LDB2: variants seen among roughly 807,000 people sequenced by gnomAD.
LDB2 encodes LIM domain binding 2, also known as LIM domain-binding protein 2.
Under a neutral mutation model 44.3 loss-of-function variants are expected in LDB2, and 12 were observed. The observed-to-expected ratio is 0.27, with a 90% CI of 0.17 to 0.44. LDB2 has a LOEUF of 0.44. Among genes scored for constraint, LDB2 ranks in the 20% least tolerant of loss-of-function variants. LDB2 has a pLI of 1.00. For missense variants in LDB2, 344 were observed against 473.5 expected, an observed-to-expected ratio of 0.73 and a Z score of 2.54; for synonymous variants, 164 against 174.8, an observed-to-expected ratio of 0.94 and a Z score of 0.49.
At chr4:16,776,891 A>T (rs2109405369) in intron 1 of LDB2, among the ~76,000 whole-genome samples, 1 of 152,340 alleles carries the variant, frequency 6.6e-6, no homozygotes, top group Middle Eastern at 3.4e-3. Context: ...ATTTAGAGCT[A>T]TCCAGGTCTT....
chr4:16,760,035 C>T (rs1239729643), intron 1 of LDB2, among the ~76,000 whole-genome samples: 4 of 152,136 alleles, frequency 2.6e-5, no homozygotes, highest in Non-Finnish European at 4.4e-5. Context: ...GAGAAGAAGG[C>T]CCCTCTCACA....
At chr4:16,584,625 A>C (rs921117434) in intron 5 of LDB2, among the ~76,000 whole-genome samples, 7 of 152,188 alleles carry the variant, frequency 4.6e-5, no homozygotes, top group African/African-American at 1.7e-4. Context: ...TAACCTCGAA[A>C]CACTACTCCC....
intron 6 of LDB2, among the ~76,000 whole-genome samples, chr4:16,509,457 G>A (rs1298299543): frequency 2.0e-5 from 3 of 152,174 alleles, no homozygotes; most frequent in Admixed American, 2.0e-4. Flanking sequence ...CTTGAAGGAT[G>A]GGGCAACCCT....
chr4:16,877,400 C>T (rs938430712), intron 1 of LDB2, among the ~76,000 whole-genome samples: 1 of 152,118 alleles, frequency 6.6e-6, no homozygotes, highest in African/African-American at 2.4e-5. Flanking sequence ...TGATTATTGC[C>T]ATTTAACAGA....
intron 5 of LDB2, among the ~76,000 whole-genome samples, chr4:16,553,825 C>A (rs1490938033): frequency 6.6e-6 from 1 of 152,102 alleles, no homozygotes; most frequent in Non-Finnish European, 1.5e-5. Context: ...ACTAGTATCC[C>A]CATTTTATAC....
intron 2 of LDB2, among the ~76,000 whole-genome samples, chr4:16,610,515 C>G (rs1313960982): frequency 1.3e-5 from 2 of 152,098 alleles, no homozygotes; most frequent in Non-Finnish European, 2.9e-5. Flanking sequence ...TAGAGAGGAA[C>G]ATAAATGACC....
intron 2 of LDB2, among the ~76,000 whole-genome samples, chr4:16,754,679 A>G (rs1416118854): frequency 6.6e-6 from 1 of 151,988 alleles, no homozygotes; most frequent in African/African-American, 2.4e-5. Context: ...CTACAGACGC[A>G]TGCCACCACG....
intron 2 of LDB2, among the ~76,000 whole-genome samples, chr4:16,704,634 T>C (rs1436358324): frequency 6.6e-6 from 1 of 152,224 alleles, no homozygotes; most frequent in African/African-American, 2.4e-5. Context: ...TTACAAATGA[T>C]AGACTGGGCT....
chr4:16,875,537 G>A (rs939698406), intron 1 of LDB2, among the ~76,000 whole-genome samples: 1 of 152,148 alleles, frequency 6.6e-6, no homozygotes, highest in Non-Finnish European at 1.5e-5. Context: ...GCATTTTAGA[G>A]TGAATCATCT....
At chr4:16,723,239 TAATA>T (rs533501951) in intron 2 of LDB2, among the ~76,000 whole-genome samples, 59 of 152,324 alleles carry the variant, frequency 3.9e-4, no homozygotes, top group African/African-American at 1.3e-3. Flanking sequence ...ACTGGGTAAT[TAATA>T]AAGAAAAGAC....
intron 2 of LDB2, among the ~76,000 whole-genome samples, chr4:16,643,738 C>T (rs1735859016): frequency 6.7e-6 from 1 of 150,236 alleles, no homozygotes; most frequent in Non-Finnish European, 1.5e-5. Flanking sequence ...GTCTTTGGTA[C>T]AGCGTAATTA....
intron 2 of LDB2, among the ~76,000 whole-genome samples, chr4:16,750,456 T>A (rs1274743642): frequency 6.6e-6 from 1 of 152,222 alleles, no homozygotes; most frequent in East Asian, 1.9e-4. Context: ...TTGACCTGCA[T>A]CCTCACTCCC....
chr4:16,746,606 G>A (rs1467032598), intron 2 of LDB2, among the ~76,000 whole-genome samples: 1 of 152,128 alleles, frequency 6.6e-6, no homozygotes, highest in Non-Finnish European at 1.5e-5. Context: ...GGCCAACATG[G>A]TGAAACCCCG....
intron 2 of LDB2, among the ~76,000 whole-genome samples, chr4:16,624,042 G>C (rs1018711692): frequency 1.3e-5 from 2 of 152,038 alleles, no homozygotes; most frequent in Admixed American, 6.6e-5. Context: ...CTTCACAAAG[G>C]TACCAGTACC....
intron 2 of LDB2, among the ~76,000 whole-genome samples, chr4:16,718,355 A>T (rs1050777818): frequency 6.6e-6 from 1 of 152,142 alleles, no homozygotes; most frequent in Non-Finnish European, 1.5e-5. Flanking sequence ...CAATCCATTG[A>T]ATATGTCGAG....
At chr4:16,848,673 T>C (rs1006226875) in intron 1 of LDB2, among the ~76,000 whole-genome samples, 3 of 152,228 alleles carry the variant, frequency 2.0e-5, no homozygotes, top group Non-Finnish European at 4.4e-5. Context: ...TTTAACTCCA[T>C]CTAGGTAACC....
intron 1 of LDB2, among the ~76,000 whole-genome samples, chr4:16,814,480 C>T (rs369625979): frequency 5.3e-5 from 8 of 152,288 alleles, no homozygotes; most frequent in South Asian, 4.1e-4. Flanking sequence ...CCTATCTGCT[C>T]GTTCCCAACT....
At chr4:16,704,301 G>A (rs754528517) in intron 2 of LDB2, among the ~76,000 whole-genome samples, 2 of 152,026 alleles carry the variant, frequency 1.3e-5, no homozygotes, top group African/African-American at 4.8e-5. Flanking sequence ...AATTAACCAG[G>A]GTTATTTTAT....
chr4:16,595,193 C>T (rs1258928271), intron 3 of LDB2, among the ~76,000 whole-genome samples: 4 of 152,054 alleles, frequency 2.6e-5, no homozygotes, highest in Admixed American at 2.0e-4. Context: ...TGTAAGTATA[C>T]TTGTTCAGCT....
Sources: allele counts gnomAD v4.1 joint callset (sites outside exome capture counted in the v4.1 genomes callset), GRCh38; gene constraint gnomAD v4.1.1; transcripts MANE v1.5; gene names NCBI Gene and HGNC (gene_info 2026-07-23, HGNC 2026-07-21).